Variants in ADCY9 observed in about 807,000 individuals in gnomAD.
ADCY9 encodes adenylate cyclase type 9.
ADCY9 carries 50 observed loss-of-function variants against 101.5 expected under a neutral mutation model. The observed-to-expected ratio is 0.49, with a 90% confidence interval of 0.39 to 0.62. The LOEUF (loss-of-function observed/expected upper bound fraction) is 0.62. Among genes scored for constraint, ADCY9 ranks in the 20% least tolerant of loss-of-function variants. The pLI is 0.00. For missense variants in ADCY9, 1,662 were observed against 1,800.4 expected (o/e 0.92, Z 1.39); for synonymous variants, 905 against 769.3 (o/e 1.18, Z -2.92).
intron 10 of ADCY9, among the ~76,000 whole-genome samples, chr16:3,970,732 G>A (rs951513119): frequency 5.3e-5 from 8 of 152,212 alleles, no homozygotes; most frequent in African/African-American, 9.6e-5. Context: ...GGCCCTCTGC[G>A]AAGCACAACC....
chr16:3,998,434 G>A (rs1198844343), intron 3 of ADCY9, among the ~76,000 whole-genome samples: 1 of 151,964 alleles, frequency 6.6e-6, no homozygotes, highest in Non-Finnish European at 1.5e-5. Context: ...AAAGAAGCCA[G>A]GCGCAGTGGC....
At chr16:4,003,407 C>T (rs2056344600) in intron 3 of ADCY9, among the ~76,000 whole-genome samples, 1 of 152,116 alleles carries the variant, frequency 6.6e-6, no homozygotes, top group African/African-American at 2.4e-5. Flanking sequence ...GGCGTGCGTG[C>T]CGAGTGTGAG....
At position 4,015,417 on chromosome 16, in the gene ADCY9, G is replaced by A. The variant is rs540215010; in HGVS notation, c.1694-7859C>T. ...AGCACGAGCCTTCACAAAGACTGTA[G>A]AAATGAGTCTCTGAGAGACGACACC... On this transcript the variant is annotated intron_variant, in intron 2 of 10. Transcript: ENST00000294016. 4 of 152,320 alleles carry A rather than the reference G, an allele frequency of 2.6e-5. No individual in the cohort carries two copies. The East Asian group carries it at 7.7e-4, about 29-fold the overall frequency. The allele number at this position is 152,320 out of a possible 1,614,324, so 9.4% of individuals were successfully genotyped here.
intron 2 of ADCY9, among the ~76,000 whole-genome samples, chr16:4,078,025 A>G (rs1027002585): frequency 6.6e-6 from 1 of 152,118 alleles, no homozygotes; most frequent in Non-Finnish European, 1.5e-5. Flanking sequence ...TTCAGACACA[A>G]TAAGCATTCA....
intron 2 of ADCY9, among the ~76,000 whole-genome samples, chr16:4,008,639 T>C (rs2056383433): frequency 6.6e-6 from 1 of 151,658 alleles, no homozygotes; most frequent in Admixed American, 6.6e-5. Flanking sequence ...TGGTGCGATC[T>C]CAGCTCACTG....
intron 10 of ADCY9, among the ~76,000 whole-genome samples, chr16:3,970,992 G>A (rs1356274652): frequency 6.6e-6 from 1 of 152,146 alleles, no homozygotes; most frequent in Non-Finnish European, 1.5e-5. Context: ...CAGGGAGCTG[G>A]GATTTGGGGA....
chr16:4,084,197 C>T (rs1469227300), intron 2 of ADCY9, among the ~76,000 whole-genome samples: 2 of 152,110 alleles, frequency 1.3e-5, no homozygotes, highest in Non-Finnish European at 2.9e-5. Flanking sequence ...CAGCAACCTC[C>T]GCCTCCTGGG....
At chr16:3,996,118 T>C (rs766929953) in intron 3 of ADCY9, among the ~76,000 whole-genome samples, 6 of 152,286 alleles carry the variant, frequency 3.9e-5, no homozygotes, top group Non-Finnish European at 7.3e-5. Flanking sequence ...CCCAGAACTT[T>C]GGGAGGCCGA....
chr16:4,114,258 A>C lies in ADCY9; in HGVS notation c.1185T>G (p.Ile395Met), dbSNP rs1285862685. The C allele has an allele frequency of 6.2e-7, 1 of 1,613,980 alleles. No homozygotes were observed. The highest frequency in any genetic ancestry group is 8.5e-7 in the Non-Finnish European group (1 of 1,180,038). ...TGAAGCCCACGATATCTGCAAATAA[A>C]ATACTGACTTCTTCGATCTGCTGCA... is the stretch of plus-strand genomic sequence containing the variant. ...FKMQQIEEVS[I>M]LFADIVGFTK... The change falls in exon 2 of 11, where the codon ATT (isoleucine) becomes ATG (methionine). Residue 395 changes from isoleucine (I) to methionine (M), a missense_variant. By Grantham distance (10) the Ile-to-Met change is conservative. Around this residue, in one of 5 missense-constraint regions of ADCY9, gnomAD observed 228 missense variants for 301.1 expected, o/e 0.76. Coordinates refer to ENST00000294016, the MANE Select transcript of ADCY9 (RefSeq NM_001116.4). This position sits in a 1 kb window ranked among gnomAD's most constrained non-coding sequence, Gnocchi z 4.3.
At chr16:4,106,475 C>A (rs1409422190) in intron 2 of ADCY9, among the ~76,000 whole-genome samples, 1 of 152,168 alleles carries the variant, frequency 6.6e-6, no homozygotes, top group Non-Finnish European at 1.5e-5. Flanking sequence ...CATCTCTTCA[C>A]AAAATTCCCT....
chr16:4,053,667 C>T (rs2056716417), intron 2 of ADCY9, among the ~76,000 whole-genome samples: 1 of 107,250 alleles, frequency 9.3e-6, no homozygotes, highest in Non-Finnish European at 1.9e-5. Flanking sequence ...CCGGCAAGGT[C>T]ACAAAATATT....
intron 2 of ADCY9, among the ~76,000 whole-genome samples, chr16:4,060,038 G>A (rs532455791): frequency 2.7e-4 from 41 of 152,336 alleles, no homozygotes; most frequent in African/African-American, 8.9e-4. Flanking sequence ...GGTGGGACGA[G>A]CTGTGAAAAT....
intron 2 of ADCY9, among the ~76,000 whole-genome samples, chr16:4,064,983 C>T (rs888998148): frequency 1.4e-4 from 22 of 152,114 alleles, no homozygotes; most frequent in Non-Finnish European, 2.6e-4. Context: ...AGAGCGAATA[C>T]ACAGAGTGAC....
intron 7 of ADCY9, among the ~76,000 whole-genome samples, chr16:3,979,791 G>A (rs749334578): frequency 1.8e-4 from 27 of 152,244 alleles, no homozygotes; most frequent in Non-Finnish European, 7.3e-5. Context: ...GGGAGGTTCT[G>A]CCCTGCACCC....
intron 5 of ADCY9, among the ~76,000 whole-genome samples, chr16:3,953,947 A>G (rs1355069862): frequency 6.6e-6 from 1 of 152,166 alleles, no homozygotes; most frequent in African/African-American, 2.4e-5. Context: ...TGCTGCATGG[A>G]TTGAGAAGGT....
chr16:3,998,478 A>G (rs1222422607), intron 3 of ADCY9, among the ~76,000 whole-genome samples: 1 of 152,098 alleles, frequency 6.6e-6, no homozygotes, highest in Non-Finnish European at 1.5e-5. Flanking sequence ...TGGGAGGCCA[A>G]CATGGGTGGA....
chr16:3,966,511 G>A lies in ADCY9; in HGVS notation c.3326C>T (p.Thr1109Ile). Residue 1109 changes from threonine (T) to isoleucine (I), a missense_variant, in exon 11 of 11, where the codon ACC becomes ATC. By Grantham distance (89) the Thr-to-Ile change is moderately conservative (BLOSUM62 -1). Transcript: ENST00000294016. ...PDYSSIEKIK[T>I]IGATYMAASG... is the part of the protein sequence containing the mutation. ...CGCCGCCATGTACGTGGCTCCGATG[G>A]TCTTGATCTTCTCGATGCTGCTGTA... 1.2e-6 allele frequency: 2 copies of A among 1,614,182 alleles called. No homozygotes were observed. Among genetic ancestry groups the A allele is most frequent in the Non-Finnish European group, 1.7e-6 (2 of 1,180,048 alleles).
chr16:4,101,327 C>T (rs1349580986), intron 2 of ADCY9, among the ~76,000 whole-genome samples: 3 of 146,646 alleles, frequency 2.0e-5, no homozygotes, highest in Non-Finnish European at 4.4e-5. Context: ...GTCACCCAGG[C>T]TGAGTACAGT....
intron 2 of ADCY9, among the ~76,000 whole-genome samples, chr16:4,014,448 A>T (rs187894185): frequency 7.0e-4 from 106 of 151,842 alleles, no homozygotes; most frequent in African/African-American, 2.3e-3. Context: ...CCAAAAAAAA[A>T]TTTTTTTGTT....
Sources: gnomAD v4.1 joint callset for allele counts (sites outside exome capture counted in the v4.1 genomes callset) on GRCh38, gnomAD v4.1.1 for gene constraint, gnomAD v4.1.1 regional missense constraint, Gnocchi (gnomAD v3.1) non-coding constraint, MANE v1.5 for transcripts, NCBI Gene and HGNC (gene_info 2026-07-23, HGNC 2026-07-21) for gene names.